Variants in STPG2 observed in about 807,000 individuals in gnomAD.
STPG2 encodes sperm tail PG-rich repeat containing 2, also known as sperm-tail PG-rich repeat-containing protein 2.
Under a neutral mutation model 54.2 loss-of-function variants are expected in STPG2, and 56 were observed. The observed-to-expected ratio is 1.03, with a 90% confidence interval of 0.83 to 1.29. The LOEUF (loss-of-function observed/expected upper bound fraction) is 1.29. Ranked by LOEUF, STPG2 falls within the 50% of genes most tolerant of loss-of-function variation. STPG2 has a pLI of 0.00. For synonymous variants in STPG2, 200 were observed against 181.8 expected (o/e 1.10, Z -0.81); for missense variants, 596 against 544.9 (o/e 1.09, Z -0.93).
chr4:97,591,413 A>G (rs1027597885), intron 10 of STPG2, among the ~76,000 whole-genome samples: 4 of 152,200 alleles, frequency 2.6e-5, no homozygotes, highest in Non-Finnish European at 5.9e-5. Context: ...ATAATAATAA[A>G]GGCTAAGTTA....
At chr4:97,703,667 TA>T (rs1234746122) in intron 10 of STPG2, among the ~76,000 whole-genome samples, 8 of 115,460 alleles carry the variant, frequency 6.9e-5, no homozygotes, top group East Asian at 4.8e-4. Flanking sequence ...AAAACATATA[TA>T]AAATATATAT....
chr4:98,066,458 G>A (rs1737840315), intron 5 of STPG2, among the ~76,000 whole-genome samples: 1 of 152,122 alleles, frequency 6.6e-6, no homozygotes, highest in South Asian at 2.1e-4. Context: ...GTATGGTGGT[G>A]CATGCCTATA....
chr4:97,860,082 C>T (rs948993660), intron 8 of STPG2, among the ~76,000 whole-genome samples: 4 of 152,210 alleles, frequency 2.6e-5, no homozygotes, highest in Non-Finnish European at 5.9e-5. Context: ...TTCCATTGGT[C>T]TACGTGCCAA....
At chr4:97,581,058 C>G (rs1414695031) in intron 10 of STPG2, among the ~76,000 whole-genome samples, 6 of 152,022 alleles carry the variant, frequency 3.9e-5, no homozygotes, top group Admixed American at 6.6e-5. Flanking sequence ...TAATTTTTCA[C>G]TTTTACACTC....
At chr4:97,636,693 A>G (rs1374531681) in intron 10 of STPG2, among the ~76,000 whole-genome samples, 1 of 152,226 alleles carries the variant, frequency 6.6e-6, no homozygotes, top group East Asian at 1.9e-4. Context: ...ACAAACTACC[A>G]TCAGAGAAAA....
At chr4:97,572,412 A>G (rs1732622850) in intron 10 of STPG2, among the ~76,000 whole-genome samples, 1 of 152,164 alleles carries the variant, frequency 6.6e-6, no homozygotes, top group South Asian at 2.1e-4. Context: ...AGCAGCTATT[A>G]TATCTTGGTT....
intron 8 of STPG2, among the ~76,000 whole-genome samples, chr4:97,926,353 T>C (rs1266576479): frequency 6.6e-6 from 1 of 152,168 alleles, no homozygotes; most frequent in African/African-American, 2.4e-5. Context: ...CTTGTTTTTC[T>C]ACTCTTTTTG....
chr4:98,058,743 A>T (rs541246093), intron 5 of STPG2, among the ~76,000 whole-genome samples: 1 of 152,218 alleles, frequency 6.6e-6, no homozygotes, highest in South Asian at 2.1e-4. Flanking sequence ...CTCTCCACCC[A>T]AAAACAACAG....
At chr4:97,899,312 G>A (rs1256820659) in intron 8 of STPG2, among the ~76,000 whole-genome samples, 1 of 151,858 alleles carries the variant, frequency 6.6e-6, no homozygotes, top group Non-Finnish European at 1.5e-5. Context: ...AGTGCTCACA[G>A]AAATCAGAGA....
At chr4:97,619,253 GTATATC>G (rs1733947185) in intron 10 of STPG2, among the ~76,000 whole-genome samples, 2 of 151,960 alleles carry the variant, frequency 1.3e-5, no homozygotes, top group African/African-American at 4.8e-5. Context: ...GTGTGTGTGT[GTATATC>G]TATATGTGTA....
At chr4:98,084,835 T>C (rs1333651252) in intron 5 of STPG2, among the ~76,000 whole-genome samples, 1 of 152,160 alleles carries the variant, frequency 6.6e-6, no homozygotes, top group Non-Finnish European at 1.5e-5. Context: ...ATAAGAATTC[T>C]TTATTATTCT....
rs185856128 is a variant in STPG2 at position 97,998,032 on chromosome 4, G to A, written c.613-16714C>T. ...AGTAAAAAGGCTATTTCAAAAATGC[G>A]GTCAAGAGACAATATCTTCTTTGAC... On this transcript the variant is annotated intron_variant, in intron 5 of 10. Coordinates refer to ENST00000295268, the MANE Select transcript of STPG2 (RefSeq NM_174952.3). Among the ~76,000 whole-genome samples the A allele has an allele frequency of 3.9e-4, 59 of 152,232 alleles. 1 individual carries two copies. The highest frequency in any genetic ancestry group is 1.3e-3 in the African/African-American group (54 of 41,524).
chr4:98,056,140 A>C (rs1172542580), intron 5 of STPG2, among the ~76,000 whole-genome samples: 2 of 152,158 alleles, frequency 1.3e-5, no homozygotes, highest in Non-Finnish European at 2.9e-5. Flanking sequence ...ATTGCAGAGG[A>C]AGCCTTGGCA....
At chr4:97,697,375 G>A (rs563840559) in intron 10 of STPG2, among the ~76,000 whole-genome samples, 1 of 152,166 alleles carries the variant, frequency 6.6e-6, no homozygotes, top group Non-Finnish European at 1.5e-5. Flanking sequence ...AGGCACCCCT[G>A]ACCTTAATGC....
chr4:97,872,365 A>C (rs1224019419), intron 8 of STPG2, among the ~76,000 whole-genome samples: 1 of 151,288 alleles, frequency 6.6e-6, no homozygotes, highest in Non-Finnish European at 1.5e-5. Context: ...CAAATTATAT[A>C]ATAGCACATC....
intron 10 of STPG2, among the ~76,000 whole-genome samples, chr4:97,684,353 G>C (rs1723122122): frequency 6.6e-6 from 1 of 151,902 alleles, no homozygotes; most frequent in African/African-American, 2.4e-5. Context: ...AAAGTATAAA[G>C]CTACAGTGAT....
intron 8 of STPG2, among the ~76,000 whole-genome samples, chr4:97,906,447 G>A (rs564934378): frequency 1.3e-5 from 2 of 152,134 alleles, no homozygotes; most frequent in Non-Finnish European, 2.9e-5. Context: ...ACAAGGAGGA[G>A]CTGGTACCAT....
At chr4:97,963,521 G>A (rs889347026) in intron 7 of STPG2, among the ~76,000 whole-genome samples, 9 of 151,840 alleles carry the variant, frequency 5.9e-5, no homozygotes, top group African/African-American at 2.2e-4. Context: ...CAGGTGTAAC[G>A]GCCCATGCCT....
intron 4 of STPG2, among the ~76,000 whole-genome samples, chr4:97,485,202 A>G (rs1015479069): frequency 4.0e-5 from 6 of 151,872 alleles, no homozygotes; most frequent in Non-Finnish European, 5.9e-5. Context: ...GGAAAGTCCT[A>G]GCCAGAGCAA....
Sources: allele counts gnomAD v4.1 joint callset (sites outside exome capture counted in the v4.1 genomes callset), GRCh38; gene constraint gnomAD v4.1.1; transcripts MANE v1.5; gene names NCBI Gene and HGNC (gene_info 2026-07-23, HGNC 2026-07-21).